The following LRRC37A2 variants were observed in gnomAD, a reference collection of about 807,000 sequenced individuals.
The protein encoded by LRRC37A2 is leucine rich repeat containing 37 member A2.
LRRC37A2 carries 9 observed loss-of-function variants against 68.8 expected under a neutral mutation model. The observed-to-expected ratio is 0.13, with a 90% CI of 0.08 to 0.23. The LOEUF (loss-of-function observed/expected upper bound fraction) is 0.23, where lower values mean the gene tolerates loss of function less well. LRRC37A2 is among the 10% of genes least tolerant of loss of function. LRRC37A2 has a pLI of 1.00. For synonymous variants in LRRC37A2, 63 were observed against 367.6 expected, an observed-to-expected ratio of 0.17 and a Z score of 9.48; for missense variants, 168 against 950.4, an observed-to-expected ratio of 0.18 and a Z score of 10.82.
the LRRC37A2 span, among the ~76,000 whole-genome samples, chr17:46,575,719 C>G: frequency 3.9e-5 from 2 of 50,828 alleles, no homozygotes; most frequent in South Asian, 1.6e-3. Flanking sequence ...GAGGCTCATG[C>G]CTGTAATCCC....
At chr17:46,978,588 C>T in the LRRC37A2 span, 3 of 1,529,470 alleles carry the variant, frequency 2.0e-6, no homozygotes, top group East Asian at 2.6e-5. Context: ...GGGCGAGGGT[C>T]CGGGTCTCCG....
the LRRC37A2 span, among the ~76,000 whole-genome samples, chr17:46,695,287 A>G: frequency 7.2e-6 from 1 of 139,050 alleles, no homozygotes. Flanking sequence ...AGGAAGTGGG[A>G]GTTTCCACGT....
At chr17:46,902,461 CGTGTGTGTGTGT>C in the LRRC37A2 span, among the ~76,000 whole-genome samples, 10 of 148,108 alleles carry the variant, frequency 6.8e-5, no homozygotes, top group African/African-American at 2.2e-4. Flanking sequence ...GGGAACAGTG[CGTGTGTGTGTGT>C]GTGTGTGTGT....
chr17:46,714,569 A>G, the LRRC37A2 span, among the ~76,000 whole-genome samples: 1 of 152,204 alleles, frequency 6.6e-6, no homozygotes, highest in Admixed American at 6.5e-5. Flanking sequence ...CATAGAATAG[A>G]ATCCTAGAGC....
chr17:46,739,325 C>T, the LRRC37A2 span, among the ~76,000 whole-genome samples: 15 of 143,632 alleles, frequency 1.0e-4, no homozygotes, highest in African/African-American at 3.1e-4. Context: ...GAGCCGAGAT[C>T]GCGCCACTGC....
At chr17:46,709,696 C>T in the LRRC37A2 span, among the ~76,000 whole-genome samples, 1 of 151,920 alleles carries the variant, frequency 6.6e-6, no homozygotes, top group Non-Finnish European at 1.5e-5. Flanking sequence ...GGTTTCACCA[C>T]GTTGGCCAGG....
At chr17:46,810,638 A>G in the LRRC37A2 span, among the ~76,000 whole-genome samples, 1 of 152,104 alleles carries the variant, frequency 6.6e-6, no homozygotes, top group Non-Finnish European at 1.5e-5. Context: ...CTTTGTGTGT[A>G]GAGTTTAGAG....
At chr17:46,776,913 C>G in the LRRC37A2 span, among the ~76,000 whole-genome samples, 2 of 152,138 alleles carry the variant, frequency 1.3e-5, no homozygotes, top group African/African-American at 4.8e-5. Context: ...CTCCTCCTTC[C>G]TCCCCCTCTC....
At chr17:46,989,695 G>A in the LRRC37A2 span, among the ~76,000 whole-genome samples, 6 of 152,252 alleles carry the variant, frequency 3.9e-5, no homozygotes, top group African/African-American at 1.2e-4. Context: ...AACTGAAAGC[G>A]TAATGTAAGC....
chr17:47,003,762 G>A, the LRRC37A2 span, among the ~76,000 whole-genome samples: 118 of 151,848 alleles, frequency 7.8e-4, no homozygotes, highest in African/African-American at 2.7e-3. Flanking sequence ...GGGTACACGT[G>A]CACAATGTGC....
the LRRC37A2 span, among the ~76,000 whole-genome samples, chr17:46,920,144 A>G: frequency 6.6e-6 from 1 of 152,070 alleles, no homozygotes; most frequent in East Asian, 1.9e-4. Flanking sequence ...CACAATAAAC[A>G]TTTTCAGAGT....
the LRRC37A2 span, among the ~76,000 whole-genome samples, chr17:46,891,774 TC>T: frequency 3.9e-5 from 6 of 152,276 alleles, no homozygotes; most frequent in African/African-American, 1.4e-4. Flanking sequence ...ACCAGAGGAC[TC>T]CCCTCTGCAG....
the LRRC37A2 span, among the ~76,000 whole-genome samples, chr17:46,991,775 C>A: frequency 3.3e-4 from 50 of 152,376 alleles, no homozygotes; most frequent in Admixed American, 2.9e-3. Context: ...CAGGCTGGAT[C>A]TGGCCACCAC....
the LRRC37A2 span, among the ~76,000 whole-genome samples, chr17:47,043,132 C>T: frequency 1.9e-4 from 28 of 150,132 alleles, no homozygotes; most frequent in Middle Eastern, 3.4e-3. Context: ...CTTGGGTCAA[C>T]CTAAAGGCAG....
the LRRC37A2 span, among the ~76,000 whole-genome samples, chr17:47,016,070 G>A: frequency 6.6e-6 from 1 of 152,054 alleles, no homozygotes; most frequent in African/African-American, 2.4e-5. Flanking sequence ...TTGGCCTCCT[G>A]AGTAGCTGGG....
At chr17:47,015,770 A>G in the LRRC37A2 span, among the ~76,000 whole-genome samples, 4 of 152,150 alleles carry the variant, frequency 2.6e-5, no homozygotes. Context: ...TTTTCCCTGT[A>G]AAATAATAAT....
chr17:46,758,118 A>G, the LRRC37A2 span, among the ~76,000 whole-genome samples: 2 of 152,240 alleles, frequency 1.3e-5, no homozygotes, highest in Non-Finnish European at 2.9e-5. Context: ...AAACCAAGGA[A>G]CTTCAAGGCT....
At chr17:46,975,798 CAA>C in the LRRC37A2 span, among the ~76,000 whole-genome samples, 1 of 152,146 alleles carries the variant, frequency 6.6e-6, no homozygotes, top group Non-Finnish European at 1.5e-5. Flanking sequence ...GAGAATCCTG[CAA>C]AGTGTCCCCA....
At chr17:46,979,281 G>C in the LRRC37A2 span, 1 of 285,852 alleles carries the variant, frequency 3.5e-6, no homozygotes, top group African/African-American at 2.2e-5. Context: ...TGGGTTCCTC[G>C]CGCGCCTGGC....
Sources: gnomAD v4.1 joint callset for allele counts (sites outside exome capture counted in the v4.1 genomes callset) on GRCh38, gnomAD v4.1.1 for gene constraint, MANE v1.5 for transcripts, NCBI Gene and HGNC (gene_info 2026-07-23, HGNC 2026-07-21) for gene names.